PXK: variants seen among roughly 807,000 people sequenced by gnomAD.
PXK encodes PX domain containing serine/threonine kinase like, also known as PX domain-containing protein kinase-like protein.
PXK carries 35 observed loss-of-function variants against 84.7 expected under a neutral mutation model. The observed-to-expected ratio is 0.41, with a 90% CI of 0.32 to 0.55. The LOEUF (loss-of-function observed/expected upper bound fraction) is 0.55. PXK is among the 20% of genes least tolerant of loss of function. The pLI, the probability that PXK is intolerant of heterozygous loss-of-function variation, is 0.21. For missense variants in PXK, 634 were observed against 699.7 expected, an observed-to-expected ratio of 0.91 and a Z score of 1.06; for synonymous variants, 253 against 260.8, an observed-to-expected ratio of 0.97 and a Z score of 0.29.
At chr3:58,351,500 A>G (rs2097924656) in intron 1 of PXK, among the ~76,000 whole-genome samples, 2 of 151,526 alleles carry the variant, frequency 1.3e-5, no homozygotes, top group African/African-American at 2.4e-5. Flanking sequence ...GGCTCATGCA[A>G]TCCACCTGCC....
chr3:58,395,336 GC>G (rs2057477638), intron 8 of PXK, among the ~76,000 whole-genome samples: 1 of 152,164 alleles, frequency 6.6e-6, no homozygotes, highest in Non-Finnish European at 1.5e-5. Flanking sequence ...CCATTACATG[GC>G]AAGCTGTTCT....
chr3:58,420,174 TG>T (rs2061604960), intron 17 of PXK, among the ~76,000 whole-genome samples: 1 of 152,384 alleles, frequency 6.6e-6, no homozygotes, highest in African/African-American at 2.4e-5. Context: ...ATATCCATTC[TG>T]CTCTTCAGAG....
At chr3:58,344,920 C>G (rs1257117226) in intron 1 of PXK, among the ~76,000 whole-genome samples, 3 of 152,214 alleles carry the variant, frequency 2.0e-5, no homozygotes, top group East Asian at 3.9e-4. Flanking sequence ...GAGGCAGCCC[C>G]CAGCAAATGC....
intron 17 of PXK, chr3:58,420,921 A>C: frequency 9.0e-7 from 1 of 1,112,242 alleles, no homozygotes; most frequent in Non-Finnish European, 1.1e-6. Context: ...GTTGATTCCT[A>C]GTTACTCTGA....
At position 58,424,883 on chromosome 3, in the gene PXK, A is replaced by G. The variant is rs778498907; in HGVS notation, c.1660A>G (p.Ser554Gly). The G allele has an allele frequency of 6.2e-7, 1 of 1,614,242 alleles. No individual in the cohort carries two copies. Among genetic ancestry groups the G allele is most frequent in the Non-Finnish European group, 8.5e-7 (1 of 1,180,050 alleles). The stretch of plus-strand genomic sequence containing the variant: ...TGGCATGAGCCGAGGGGCCTTGCTC[A>G]GCTCCATCCAGAATTTCCAAAAAGG... ...VNGMSRGALL[S>G]SIQNFQKGTL... Residue 554 changes from serine to glycine, a missense_variant, in exon 18 of 18, where the codon AGC (serine) becomes GGC (glycine). Physicochemically the swap from Ser to Gly is moderately conservative, Grantham distance 56 (BLOSUM62 0). Around this residue, in one of 3 missense-constraint regions of PXK, gnomAD observed 273 missense variants for 283.6 expected, o/e 0.96. Coordinates refer to ENST00000356151, the MANE Select transcript of PXK (RefSeq NM_017771.5).
At chr3:58,356,613 T>C (rs1247655480) in intron 1 of PXK, among the ~76,000 whole-genome samples, 22 of 92,118 alleles carry the variant, frequency 2.4e-4, no homozygotes, top group African/African-American at 1.4e-3. Flanking sequence ...TTTTTTTTTC[T>C]TTTTTTTTGA....
In PXK at chr3:58,383,351, C is replaced by T. The variant is rs1268072861; in HGVS notation, c.388+651C>T. Among the ~76,000 whole-genome samples the T allele has an allele frequency of 6.6e-6, 1 of 152,096 alleles. No homozygotes were observed. Among genetic ancestry groups the T allele is most frequent in the Non-Finnish European group, 1.5e-5 (1 of 68,010 alleles). ...AACGCATACAGTAATTTTTATATTA[C>T]TTTTGACCTCTAATCAACACCTTAT... On this transcript the variant is annotated intron_variant, in intron 4 of 17. Coordinates refer to ENST00000356151, the MANE Select transcript of PXK (RefSeq NM_017771.5). The surrounding 1 kb of genome is among the most constrained non-coding windows in gnomAD (Gnocchi z 4.0).
At chr3:58,356,068 TTTAAG>T (rs1185723727) in intron 1 of PXK, among the ~76,000 whole-genome samples, 3 of 152,176 alleles carry the variant, frequency 2.0e-5, no homozygotes, top group Admixed American at 1.3e-4. Flanking sequence ...CAGTACTGGT[TTTAAG>T]TTAATTATCT....
chr3:58,375,261 G>A (rs985803923), intron 3 of PXK, among the ~76,000 whole-genome samples: 5 of 152,096 alleles, frequency 3.3e-5, no homozygotes, highest in Non-Finnish European at 5.9e-5. Context: ...CAAATCTGTC[G>A]ATACTGGGTA....
chr3:58,400,778 T>C lies in PXK; in HGVS notation c.1181+1401T>C, dbSNP rs1449023749. 6.6e-6 allele frequency among the ~76,000 whole-genome samples: 1 copy of C among 152,040 alleles called. No individual in the cohort carries two copies. The highest frequency in any genetic ancestry group is 1.5e-5 in the Non-Finnish European group (1 of 68,012). ...GAAAATATAAAAAATTAGCTGGGCATGGTGGCACACTCCTGTAATCCCAGC... is the reference window on the plus strand; with the variant it reads ...GAAAATATAAAAAATTAGCTGGGCACGGTGGCACACTCCTGTAATCCCAGC... On this transcript the variant is annotated intron_variant, in intron 12 of 17. Transcript: ENST00000356151. The surrounding 1 kb of genome is among the most constrained non-coding windows in gnomAD (Gnocchi z 4.0).
chr3:58,401,817 C>T lies in PXK; in HGVS notation c.1182-2045C>T, dbSNP rs1205797409. On this transcript the variant is annotated intron_variant, in intron 12 of 17. Coordinates refer to ENST00000356151, the MANE Select transcript of PXK (RefSeq NM_017771.5). This position sits in a 1 kb window ranked among gnomAD's most constrained non-coding sequence, Gnocchi z 4.4. Reference sequence around the variant, plus strand: ...TGGCGGGCGTCTGTAGTCCCAGCTACCCAGGAGGCGGAGTTTGCACTGGAG... The same window carrying T: ...TGGCGGGCGTCTGTAGTCCCAGCTATCCAGGAGGCGGAGTTTGCACTGGAG... 6.6e-6 allele frequency among the ~76,000 whole-genome samples: 1 copy of T among 151,498 alleles called. No homozygotes were observed. The highest frequency in any genetic ancestry group is 1.5e-5 in the Non-Finnish European group (1 of 67,920).
At position 58,400,480 on chromosome 3, in the gene PXK, A is replaced by T. The variant is rs1039220655; in HGVS notation, c.1181+1103A>T. On this transcript the variant is annotated intron_variant, in intron 12 of 17. Transcript: ENST00000356151. The surrounding 1 kb of genome is among the most constrained non-coding windows in gnomAD (Gnocchi z 4.0). The stretch of plus-strand genomic sequence containing the variant: ...TCTTTCTTTCCACAAGTGTTTAGAG[A>T]GGGCCTTCTGGAGGCCAGCTGCTGT... 2.0e-5 allele frequency among the ~76,000 whole-genome samples: 3 copies of T among 152,172 alleles called. No homozygotes were observed. Among genetic ancestry groups the T allele is most frequent in the African/African-American group, 7.2e-5 (3 of 41,442 alleles).
At chr3:58,402,522 C>T (rs951306680) in intron 12 of PXK, among the ~76,000 whole-genome samples, 8 of 151,314 alleles carry the variant, frequency 5.3e-5, no homozygotes, top group South Asian at 2.1e-4. Context: ...CTCCGCCTCC[C>T]GGGTTCAAGT....
At chr3:58,367,679 A>C (rs910482094) in intron 2 of PXK, among the ~76,000 whole-genome samples, 3 of 151,992 alleles carry the variant, frequency 2.0e-5, no homozygotes, top group Non-Finnish European at 4.4e-5. Context: ...CAATTTCTTT[A>C]TGTTTTTATT....
intron 2 of PXK, 101 bp from the exon 3 acceptor site, chr3:58,369,330 G>A: frequency 1.1e-6 from 1 of 874,476 alleles, no homozygotes. Context: ...AAGTGCCTGA[G>A]CTCTAGAGTG....
At chr3:58,351,044 T>G (rs1490542647) in intron 1 of PXK, among the ~76,000 whole-genome samples, 2 of 152,208 alleles carry the variant, frequency 1.3e-5, no homozygotes, top group African/African-American at 4.8e-5. Context: ...TACTTTCATC[T>G]TCTGTTTTCC....
At chr3:58,394,905 C>A in intron 7 of PXK, 93 bp from the exon 8 acceptor site, 2 of 883,390 alleles carry the variant, frequency 2.3e-6, no homozygotes, top group Non-Finnish European at 3.7e-6. Context: ...TAAACCACCA[C>A]AGTGCTACTT....
At chr3:58,357,995 A>G (rs1453704254) in intron 1 of PXK, among the ~76,000 whole-genome samples, 2 of 152,068 alleles carry the variant, frequency 1.3e-5, no homozygotes, top group Non-Finnish European at 2.9e-5. Context: ...CAAAAAAACC[A>G]AGAAAGAAAA....
intron 1 of PXK, among the ~76,000 whole-genome samples, chr3:58,336,071 A>ATTTTTTTT (rs1171021563): frequency 3.9e-5 from 2 of 51,582 alleles, no homozygotes; most frequent in African/African-American, 2.0e-4. Context: ...ATATATATAT[A>ATTTTTTTT]TTTTTTTTTT....
Sources: gnomAD v4.1 joint callset for allele counts (sites outside exome capture counted in the v4.1 genomes callset) on GRCh38, gnomAD v4.1.1 for gene constraint, gnomAD v4.1.1 regional missense constraint, Gnocchi (gnomAD v3.1) non-coding constraint, MANE v1.5 for transcripts, NCBI Gene and HGNC (gene_info 2026-07-23, HGNC 2026-07-21) for gene names.